The following ASTN2 variants were observed in gnomAD, a reference collection of about 807,000 sequenced individuals.
The protein encoded by ASTN2 is astrotactin 2.
ASTN2 carries 54 observed loss-of-function variants against 139.8 expected under a neutral mutation model. That is an observed-to-expected ratio of 0.39 (90% CI 0.31 to 0.48). The LOEUF (loss-of-function observed/expected upper bound fraction) is 0.48. Ranked by LOEUF, ASTN2 falls within the 20% of genes least tolerant of loss-of-function variation. The pLI is 0.95. For missense variants in ASTN2, 1,565 were observed against 1,725.1 expected, an observed-to-expected ratio of 0.91 and a Z score of 1.64; for synonymous variants, 756 against 719.5, an observed-to-expected ratio of 1.05 and a Z score of -0.81.
chr9:117,096,936 T>C (rs924322505), intron 4 of ASTN2, among the ~76,000 whole-genome samples: 1 of 152,118 alleles, frequency 6.6e-6, no homozygotes, highest in Admixed American at 6.5e-5. Context: ...GAGAAATGAC[T>C]GGGAAGACAC....
chr9:116,901,774 G>A (rs571996442), intron 10 of ASTN2, among the ~76,000 whole-genome samples: 2 of 152,188 alleles, frequency 1.3e-5, no homozygotes, highest in East Asian at 3.9e-4. Context: ...GGTGGCTCAC[G>A]CCTGTAATCC....
chr9:117,033,405 C>T (rs1009842974), intron 6 of ASTN2, among the ~76,000 whole-genome samples: 2 of 152,026 alleles, frequency 1.3e-5, no homozygotes, highest in African/African-American at 4.8e-5. Context: ...AGGTATTGAG[C>T]TAAAAGCTTT....
At chr9:116,520,330 G>A (rs1047862428) in intron 19 of ASTN2, among the ~76,000 whole-genome samples, 7 of 152,148 alleles carry the variant, frequency 4.6e-5, no homozygotes, top group Non-Finnish European at 7.4e-5. Flanking sequence ...TGCAAGGGAT[G>A]CAGGGATGGT....
chr9:116,982,697 C>G (rs1268822528), intron 7 of ASTN2, among the ~76,000 whole-genome samples: 2 of 152,082 alleles, frequency 1.3e-5, no homozygotes, highest in African/African-American at 4.8e-5. Context: ...TCCCAAGTAG[C>G]TAGGACTATA....
intron 19 of ASTN2, among the ~76,000 whole-genome samples, chr9:116,576,013 C>A (rs1011937223): frequency 6.6e-6 from 1 of 152,122 alleles, no homozygotes; most frequent in Non-Finnish European, 1.5e-5. Context: ...AAGCATTTTA[C>A]AAAGTAGCAG....
chr9:117,206,663 G>C (rs1831935814), intron 3 of ASTN2, among the ~76,000 whole-genome samples: 1 of 152,134 alleles, frequency 6.6e-6, no homozygotes, highest in African/African-American at 2.4e-5. Context: ...CCTAAAACTG[G>C]CTGTGACTCT....
At chr9:116,565,215 AACACACACACACACACACAC>A (rs59415099) in intron 19 of ASTN2, among the ~76,000 whole-genome samples, 5 of 134,262 alleles carry the variant, frequency 3.7e-5, no homozygotes, top group Admixed American at 7.4e-5. Context: ...GCTTGCCACA[AACACACACACACACACACAC>A]ACACACACAC....
rs1178861666 is a variant in ASTN2, at chr9:117,214,667, G to A, written c.706C>T (p.Arg236Cys). The stretch of plus-strand genomic sequence containing the variant: ...GCGCTCTTCTGGGGGATGCGGCGAC[G>A]CTTCTGCCAACGTCGCTGGGCGTAC... ...ALYAQRRWQK[R>C]RRIPQKSAST... The change falls in exon 3 of 23, where the codon CGT (arginine) becomes TGT (cysteine). Residue 236 changes from arginine to cysteine, a missense_variant. Arg to Cys is a radical substitution (Grantham distance 180). Transcript: ENST00000313400. 6 of 1,543,386 alleles carry A rather than the reference G, an allele frequency of 3.9e-6. No homozygotes were observed. Among genetic ancestry groups the A allele is most frequent in the East Asian group, 2.3e-5 (1 of 43,872 alleles).
At position 117,266,003 on chromosome 9, in the gene ASTN2, G is replaced by T. The variant is rs575732924; in HGVS notation, c.630+25323C>A. ...AAAGGCCATCTCTTCCATAAGATTT[G>T]CTCTAGTGGTAAAATGAGCTAATCT... On this transcript the variant is annotated intron_variant, in intron 2 of 22. Transcript: ENST00000313400. Among the ~76,000 whole-genome samples, 49 of 152,238 alleles carry T rather than the reference G, an allele frequency of 3.2e-4. 1 individual carries two copies. The South Asian group carries it at 1.0e-2, about 31-fold the overall frequency.
At chr9:117,042,289 C>T (rs1461039859) in intron 5 of ASTN2, among the ~76,000 whole-genome samples, 1 of 152,102 alleles carries the variant, frequency 6.6e-6, no homozygotes, top group Non-Finnish European at 1.5e-5. Context: ...TCTTAATAAA[C>T]AGTGACCTGC....
At chr9:116,484,079 C>T (rs1003126996) in intron 20 of ASTN2, among the ~76,000 whole-genome samples, 3 of 152,200 alleles carry the variant, frequency 2.0e-5, no homozygotes, top group Non-Finnish European at 2.9e-5. Flanking sequence ...TCTGGATGGT[C>T]GTTCCTTCCA....
intron 13 of ASTN2, among the ~76,000 whole-genome samples, chr9:116,735,524 T>C (rs1420882715): frequency 6.6e-6 from 1 of 152,176 alleles, no homozygotes; most frequent in African/African-American, 2.4e-5. Flanking sequence ...AGCACATACT[T>C]GGGTGGAATC....
intron 2 of ASTN2, among the ~76,000 whole-genome samples, chr9:117,273,236 A>C (rs890234465): frequency 6.6e-6 from 1 of 152,210 alleles, no homozygotes; most frequent in African/African-American, 2.4e-5. Context: ...TATCATGAGA[A>C]TAGCATGAGA....
At chr9:116,470,289 G>A (rs935890200) in intron 20 of ASTN2, among the ~76,000 whole-genome samples, 4 of 152,098 alleles carry the variant, frequency 2.6e-5, no homozygotes, top group Non-Finnish European at 4.4e-5. Context: ...GAAAAGATTC[G>A]GCGTGTTCTG....
intron 1 of ASTN2, among the ~76,000 whole-genome samples, chr9:117,328,465 C>T (rs181236400): frequency 6.6e-6 from 1 of 152,182 alleles, no homozygotes; most frequent in African/African-American, 2.4e-5. Flanking sequence ...TCTGCCATGA[C>T]CTGCCCCCTG....
intron 1 of ASTN2, among the ~76,000 whole-genome samples, chr9:117,293,304 C>T (rs896342088): frequency 6.6e-6 from 1 of 152,136 alleles, no homozygotes; most frequent in Admixed American, 6.5e-5. Flanking sequence ...CTTCTTCCAC[C>T]CTTGTCCATT....
chr9:116,571,320 A>C (rs142344438), intron 19 of ASTN2, among the ~76,000 whole-genome samples: 626 of 152,290 alleles, frequency 4.1e-3, no homozygotes, highest in Middle Eastern at 0.01. Context: ...GACCAAGCTG[A>C]GCACTCAATC....
chr9:117,117,406 A>C (rs910774572), intron 4 of ASTN2, among the ~76,000 whole-genome samples: 6 of 151,832 alleles, frequency 4.0e-5, no homozygotes, highest in Non-Finnish European at 8.8e-5. Flanking sequence ...GAGAAAAAAA[A>C]AAAACGCAAC....
chr9:116,677,051 T>C (rs942216189), intron 16 of ASTN2, among the ~76,000 whole-genome samples: 1 of 152,236 alleles, frequency 6.6e-6, no homozygotes, highest in Admixed American at 6.5e-5. Context: ...TGATTTTTTT[T>C]AAAGAGCACT....
Sources: allele counts gnomAD v4.1 joint callset (sites outside exome capture counted in the v4.1 genomes callset), GRCh38; gene constraint gnomAD v4.1.1; transcripts MANE v1.5; gene names NCBI Gene and HGNC (gene_info 2026-07-23, HGNC 2026-07-21).